Variants in UBR3 observed in about 807,000 individuals in gnomAD.
UBR3 encodes E3 ubiquitin-protein ligase UBR3.
Under a neutral mutation model 243.2 loss-of-function variants are expected in UBR3, and 85 were observed. The observed-to-expected ratio is 0.35, with a 90% CI of 0.29 to 0.42. The LOEUF (loss-of-function observed/expected upper bound fraction) is 0.42, where lower values mean the gene tolerates loss of function less well. UBR3 is among the 10% of genes least tolerant of loss of function. UBR3 has a pLI of 1.00. For synonymous variants in UBR3, 748 were observed against 799.8 expected (o/e 0.94, Z 1.09); for missense variants, 1,686 against 2,300.8 (o/e 0.73, Z 5.47).
At chr2:169,890,564 T>TATATATAC (rs59241205) in intron 5 of UBR3, among the ~76,000 whole-genome samples, 1 of 89,082 alleles carries the variant, frequency 1.1e-5, no homozygotes, top group African/African-American at 5.0e-5. Context: ...TATATATATA[T>TATATATAC]GTGTATATAT....
At position 170,055,486 on chromosome 2, in the gene UBR3, C is replaced by T; in HGVS notation, c.4687C>T (p.Leu1563Phe). ...CCACTTTACCTGCATTGTGAAGGTA[C>T]TTTTTACCCTACTGTACACACAGGC... is the stretch of plus-strand genomic sequence containing the variant. ...KDHFTCIVKV[L>F]FTLLYTQALA... Residue 1563 changes from leucine to phenylalanine, a missense_variant, in exon 33 of 39, where the codon CTT (leucine) becomes TTT (phenylalanine). Coordinates refer to ENST00000272793, the MANE Select transcript of UBR3 (RefSeq NM_172070.4). 11 of 1,613,392 alleles carry T rather than the reference C, an allele frequency of 6.8e-6. No individual in the cohort carries two copies. The highest frequency in any genetic ancestry group is 9.3e-6 in the Non-Finnish European group (11 of 1,179,610).
At chr2:170,059,518 AAG>A (rs1262435225) in intron 33 of UBR3, among the ~76,000 whole-genome samples, 4 of 152,206 alleles carry the variant, frequency 2.6e-5, no homozygotes. Flanking sequence ...CTGCCTATTT[AAG>A]AGATAATTTA....
intron 11 of UBR3, among the ~76,000 whole-genome samples, 153 bp from the exon 12 acceptor site, chr2:169,923,776 G>A (rs2085797897): frequency 6.6e-6 from 1 of 152,138 alleles, no homozygotes; most frequent in African/African-American, 2.4e-5. Context: ...TTTATCTATA[G>A]TGATTTTGGA....
In UBR3 at chr2:169,951,097, G is replaced by A. The variant is rs181284694; in HGVS notation, c.3545+1032G>A. 3.7e-4 allele frequency among the ~76,000 whole-genome samples: 56 copies of A among 152,214 alleles called. 1 individual carries two copies. Among genetic ancestry groups the A allele is most frequent in the South Asian group, 1.7e-3 (8 of 4,826 alleles). On this transcript the variant is annotated intron_variant, in intron 23 of 38. Transcript: ENST00000272793. ...TATAGGGGAAGGGTACACATTTCCC[G>A]TTAGGGAGGGTCCAAAGAGATCACA...
chr2:169,867,523 A>T (rs2083299453), intron 1 of UBR3, among the ~76,000 whole-genome samples: 1 of 152,200 alleles, frequency 6.6e-6, no homozygotes, highest in African/African-American at 2.4e-5. Flanking sequence ...ATTTCTGTAT[A>T]ATAAATTCAT....
intron 28 of UBR3, among the ~76,000 whole-genome samples, chr2:170,007,932 T>A (rs2089972806): frequency 6.6e-6 from 1 of 152,150 alleles, no homozygotes; most frequent in East Asian, 1.9e-4. Context: ...TGTGTGTGTA[T>A]GTATCTCAAT....
intron 32 of UBR3, 82 bp downstream of exon 32, chr2:170,041,067 G>C: frequency 7.4e-7 from 1 of 1,357,056 alleles, no homozygotes; most frequent in Non-Finnish European, 1.0e-6. Context: ...AATAGGCTGG[G>C]TGTGGTGGCT....
intron 24 of UBR3, among the ~76,000 whole-genome samples, chr2:169,965,632 C>T (rs1293033926): frequency 6.6e-6 from 1 of 152,138 alleles, no homozygotes; most frequent in East Asian, 1.9e-4. Context: ...TGGGATATTA[C>T]AGCAGTTGAT....
At chr2:169,878,820 A>G (rs1456288257) in intron 5 of UBR3, among the ~76,000 whole-genome samples, 2 of 152,046 alleles carry the variant, frequency 1.3e-5, no homozygotes, top group African/African-American at 2.4e-5. Flanking sequence ...TTTATAATTC[A>G]TTTTTCTTTT....
At chr2:170,072,295 C>T (rs2091715065) in intron 35 of UBR3, among the ~76,000 whole-genome samples, 1 of 152,018 alleles carries the variant, frequency 6.6e-6, no homozygotes, top group African/African-American at 2.4e-5. Flanking sequence ...AATTGGAAAT[C>T]ATCATTCTCA....
At chr2:169,962,133 A>G (rs930927100) in intron 24 of UBR3, among the ~76,000 whole-genome samples, 4 of 152,098 alleles carry the variant, frequency 2.6e-5, no homozygotes, top group African/African-American at 9.7e-5. Context: ...GCGGAGGCCC[A>G]TGTGAGTGAG....
intron 19 of UBR3, among the ~76,000 whole-genome samples, chr2:169,937,579 G>T (rs2086393384): frequency 6.6e-6 from 1 of 152,166 alleles, no homozygotes; most frequent in African/African-American, 2.4e-5. Flanking sequence ...TGAAGTTCTT[G>T]CCCATGCCTG....
At chr2:169,855,804 A>C (rs114571693) in intron 1 of UBR3, among the ~76,000 whole-genome samples, 77,801 of 152,024 alleles carry the variant, frequency 0.51, 21,533 homozygotes, top group Non-Finnish European at 0.62. Context: ...ACACTTCCCC[A>C]CTTTCTATTC....
intron 18 of UBR3, 57 bp downstream of exon 18, chr2:169,928,925 C>A: frequency 7.9e-7 from 1 of 1,270,344 alleles, no homozygotes; most frequent in Non-Finnish European, 1.0e-6. Context: ...ATGGTGAATT[C>A]TTCTGTGTAT....
intron 19 of UBR3, among the ~76,000 whole-genome samples, chr2:169,934,966 G>T (rs374206515): frequency 1.3e-5 from 2 of 152,134 alleles, no homozygotes; most frequent in African/African-American, 2.4e-5. Flanking sequence ...AGGCTTAAGC[G>T]AGTGAAAGTG....
intron 5 of UBR3, among the ~76,000 whole-genome samples, chr2:169,882,367 GTAAATATATA>G (rs1559054906): frequency 5.2e-4 from 28 of 54,056 alleles, no homozygotes; most frequent in Non-Finnish European, 1.2e-3. Context: ...TATTATATAT[GTAAATATATA>G]TTATATATAA....
rs71006062 is a variant in UBR3, at chr2:170,001,912, C to CAAAAAAAA, written c.4029+521_4029+528dup. ...TGGGCAACAGAGAGAGACTCCATCT[C>CAAAAAAAA]AAAAAAAAAAAAAAAAAAAAAAAAA... On this transcript the variant is annotated intron_variant, in intron 27 of 38. Coordinates refer to ENST00000272793, the MANE Select transcript of UBR3 (RefSeq NM_172070.4). Among the ~76,000 whole-genome samples, 225 of 67,472 alleles carry CAAAAAAAA rather than the reference C, an allele frequency of 3.3e-3. 4 individuals are homozygous for CAAAAAAAA. Among genetic ancestry groups the CAAAAAAAA allele is most frequent in the African/African-American group, 8.2e-3 (116 of 14,100 alleles). The allele number at this position is 67,472 out of a possible 152,430, so 44.3% of individuals were successfully genotyped here.
chr2:169,929,980 G>A (rs944655573), intron 18 of UBR3, among the ~76,000 whole-genome samples: 4 of 152,198 alleles, frequency 2.6e-5, no homozygotes, highest in African/African-American at 9.6e-5. Context: ...AGAAAATCCA[G>A]TCTCTGGTTG....
rs1033817353 is a variant in UBR3, at chr2:169,827,522, C to G, written c.15C>G (p.Ala5=). 1.6e-5 allele frequency: 20 copies of G among 1,224,332 alleles called. No individual in the cohort carries two copies. Among genetic ancestry groups the G allele is most frequent in the Admixed American group, 4.3e-5 (1 of 23,376 alleles). The allele number at this position is 1,224,332 out of a possible 1,614,324, so 75.8% of individuals were successfully genotyped here. Residue 5 remains alanine (A), a synonymous_variant, in exon 1 of 39, where the codon GCC becomes GCG. Transcript: ENST00000272793. ...GAGCTCTCATCATGGCGGCGGCGGC[C>G]GCGGCGGCCGTCGGGGGCCAGCAGC... MAAA[A]AAAVGGQQPS...
Sources: allele counts gnomAD v4.1 joint callset (sites outside exome capture counted in the v4.1 genomes callset), GRCh38; gene constraint gnomAD v4.1.1; transcripts MANE v1.5; gene names NCBI Gene and HGNC (gene_info 2026-07-23, HGNC 2026-07-21).